NUDCD1: variants seen among roughly 807,000 people sequenced by gnomAD.
NUDCD1 encodes NudC domain containing 1.
A neutral mutation model predicts 67.8 loss-of-function variants in NUDCD1; 60 were observed. The observed-to-expected ratio is 0.88, with a 90% CI of 0.72 to 1.10. The LOEUF is 1.10. Ranked by LOEUF, NUDCD1 falls within the 50% of genes least tolerant of loss-of-function variation. NUDCD1 has a pLI of 0.00. For synonymous variants in NUDCD1, 244 were observed against 230.8 expected (o/e 1.06, Z -0.52); for missense variants, 643 against 695.0 (o/e 0.93, Z 0.84).
chr8:109,252,470 G>C (rs892640659), intron 8 of NUDCD1, among the ~76,000 whole-genome samples: 81 of 152,000 alleles, frequency 5.3e-4, no homozygotes, highest in African/African-American at 1.8e-3. Flanking sequence ...AACAGTGCAG[G>C]CAAGACTTCA....
intron 9 of NUDCD1, among the ~76,000 whole-genome samples, 180 bp downstream of exon 9, chr8:109,245,142 G>T (rs868642314): frequency 6.6e-6 from 1 of 152,102 alleles, no homozygotes; most frequent in African/African-American, 2.4e-5. Flanking sequence ...AAACAGATTA[G>T]TCTAAATGTT....
chr8:109,254,192 C>T (rs1813679716), intron 8 of NUDCD1, among the ~76,000 whole-genome samples: 1 of 152,124 alleles, frequency 6.6e-6, no homozygotes, highest in African/African-American at 2.4e-5. Context: ...ACACAAAAGA[C>T]ATTTTTTTAA....
chr8:109,305,727 G>C (rs1261157472), intron 2 of NUDCD1, among the ~76,000 whole-genome samples: 1 of 152,020 alleles, frequency 6.6e-6, no homozygotes. Context: ...TTAAGAATCT[G>C]ACCCCTCAAA....
At chr8:109,301,144 C>G (rs557110513) in intron 2 of NUDCD1, among the ~76,000 whole-genome samples, 2 of 152,238 alleles carry the variant, frequency 1.3e-5, no homozygotes, top group South Asian at 2.1e-4. Context: ...ATCCAGATGG[C>G]CTGAAACAAC....
At chr8:109,316,349 G>GT (rs1208492303) in intron 2 of NUDCD1, 1 of 152,120 alleles carries the variant, frequency 6.6e-6, no homozygotes, top group Non-Finnish European at 1.5e-5. Context: ...GCTGCCACCT[G>GT]TTGGCTCCAG....
At chr8:109,282,196 C>A (rs1463401645) in intron 5 of NUDCD1, among the ~76,000 whole-genome samples, 2 of 152,184 alleles carry the variant, frequency 1.3e-5, no homozygotes, top group African/African-American at 4.8e-5. Flanking sequence ...CGGGGCTGAG[C>A]AGGGAGCTCA....
At chr8:109,307,649 T>C (rs553435201) in intron 2 of NUDCD1, among the ~76,000 whole-genome samples, 4 of 152,260 alleles carry the variant, frequency 2.6e-5, no homozygotes, top group South Asian at 2.1e-4. Context: ...AATACTAACA[T>C]TGAATGTAAA....
At chr8:109,297,004 T>C (rs1391878001) in intron 2 of NUDCD1, among the ~76,000 whole-genome samples, 1 of 152,186 alleles carries the variant, frequency 6.6e-6, no homozygotes, top group Non-Finnish European at 1.5e-5. Flanking sequence ...GGCTATCGTT[T>C]TGGCTATAAA....
In NUDCD1 at chr8:109,275,242, G is replaced by C. The variant is rs1160045038; in HGVS notation, c.1173+110C>G. 6 of 943,214 alleles carry C rather than the reference G, an allele frequency of 6.4e-6. No homozygotes were observed. The East Asian group carries it at 1.5e-4, about 23-fold the overall frequency. 58.4% of individuals were successfully genotyped at this position (943,214 alleles called of 1,614,324 possible). Reference sequence around the variant, plus strand: ...CACTCAGATCAGTAGTATCTGATATGTATCTTTTATATTAGGAAAAGCAAA... The same window carrying C: ...CACTCAGATCAGTAGTATCTGATATCTATCTTTTATATTAGGAAAAGCAAA... On this transcript the variant is annotated intron_variant, in intron 7 of 9. Coordinates refer to ENST00000239690, the MANE Select transcript of NUDCD1 (RefSeq NM_032869.4).
intron 8 of NUDCD1, among the ~76,000 whole-genome samples, chr8:109,265,925 T>C (rs762151253): frequency 2.0e-5 from 3 of 152,124 alleles, no homozygotes; most frequent in Non-Finnish European, 2.9e-5. Flanking sequence ...GCCCAGGGGA[T>C]TGGGGACCCC....
At chr8:109,320,250 T>C (rs945995820) in intron 2 of NUDCD1, among the ~76,000 whole-genome samples, 1 of 152,182 alleles carries the variant, frequency 6.6e-6, no homozygotes, top group African/African-American at 2.4e-5. Context: ...GGGAGCACTA[T>C]GGGAGACTGG....
chr8:109,279,024 C>G (rs984944861), intron 6 of NUDCD1, among the ~76,000 whole-genome samples: 6 of 152,052 alleles, frequency 3.9e-5, no homozygotes, highest in East Asian at 3.9e-4. Flanking sequence ...ACAAAAAATA[C>G]AAAAATTAGC....
chr8:109,313,152 G>T (rs956995492), intron 2 of NUDCD1, among the ~76,000 whole-genome samples: 1 of 152,116 alleles, frequency 6.6e-6, no homozygotes, highest in African/African-American at 2.4e-5. Context: ...AACACTCTGT[G>T]GTTCCCATGG....
chr8:109,254,141 GTGA>G (rs1329781315), intron 8 of NUDCD1, among the ~76,000 whole-genome samples: 14 of 152,310 alleles, frequency 9.2e-5, no homozygotes, highest in African/African-American at 2.9e-4. Context: ...ACTGCCAGAG[GTGA>G]GATGAAGCAG....
chr8:109,309,063 C>T (rs900370098), intron 2 of NUDCD1, among the ~76,000 whole-genome samples: 2 of 151,880 alleles, frequency 1.3e-5, no homozygotes, highest in African/African-American at 2.4e-5. Context: ...CCTATTGACA[C>T]TATTCCACAA....
intron 5 of NUDCD1, among the ~76,000 whole-genome samples, chr8:109,281,537 T>C (rs1391489162): frequency 6.6e-6 from 1 of 151,900 alleles, no homozygotes; most frequent in African/African-American, 2.4e-5. Flanking sequence ...CAAAAGAACA[T>C]AAAATATGTT....
chr8:109,283,898 T>A (rs796856304), intron 5 of NUDCD1, among the ~76,000 whole-genome samples: 24 of 151,478 alleles, frequency 1.6e-4, no homozygotes, highest in African/African-American at 5.3e-4. Flanking sequence ...AACAACTTCA[T>A]GATAGAATCA....
intron 2 of NUDCD1, among the ~76,000 whole-genome samples, chr8:109,312,084 C>T (rs935803595): frequency 6.6e-6 from 1 of 152,048 alleles, no homozygotes; most frequent in African/African-American, 2.4e-5. Context: ...AGGCGAATCA[C>T]CTGAGGCAGG....
At chr8:109,308,993 G>A (rs893712700) in intron 2 of NUDCD1, among the ~76,000 whole-genome samples, 26 of 150,956 alleles carry the variant, frequency 1.7e-4, no homozygotes, top group Admixed American at 1.4e-3. Flanking sequence ...AAAAAAGTCC[G>A]GGACCAGACA....
Sources: allele counts gnomAD v4.1 joint callset (sites outside exome capture counted in the v4.1 genomes callset), GRCh38; gene constraint gnomAD v4.1.1; transcripts MANE v1.5; gene names NCBI Gene and HGNC (gene_info 2026-07-23, HGNC 2026-07-21).